Variants in RSF1 observed in about 807,000 individuals in gnomAD.
RSF1 encodes the protein HBV pX-associated protein 8.
Under a neutral mutation model 145.2 loss-of-function variants are expected in RSF1, and 13 were observed. That is an observed-to-expected ratio of 0.09 (90% CI 0.06 to 0.14). The LOEUF is 0.14. RSF1 is among the 10% of genes least tolerant of loss of function. The pLI is 1.00. For synonymous variants in RSF1, 577 were observed against 592.6 expected (o/e 0.97, Z 0.38); for missense variants, 1,517 against 1,718.2 (o/e 0.88, Z 2.07).
At chr11:77,693,455 T>C (rs1960206727) in intron 8 of RSF1, 52 bp downstream of exon 8, 18 of 1,138,108 alleles carry the variant, frequency 1.6e-5, no homozygotes, top group Admixed American at 1.8e-5. Flanking sequence ...TAAACAGTTA[T>C]TAATTTGAAT....
At chr11:77,859,705 A>G in the RSF1 span, among the ~76,000 whole-genome samples, 1 of 152,240 alleles carries the variant, frequency 6.6e-6, no homozygotes, top group East Asian at 1.9e-4. Context: ...GGTTGGGATC[A>G]GTCAAGGGAA....
At chr11:77,668,053 C>T (rs1026259805) in intron 15 of RSF1, among the ~76,000 whole-genome samples, 5 of 150,814 alleles carry the variant, frequency 3.3e-5, no homozygotes, top group African/African-American at 1.2e-4. Context: ...GCTGGAGTAT[C>T]ATGGCGCAAA....
At chr11:77,757,676 C>CA (rs1050149004) in intron 2 of RSF1, among the ~76,000 whole-genome samples, 19 of 149,870 alleles carry the variant, frequency 1.3e-4, no homozygotes, top group African/African-American at 4.7e-4. Context: ...AACTCCGTCT[C>CA]AAAAAAAGAA....
chr11:77,788,687 A>C (rs1373241212), intron 1 of RSF1, among the ~76,000 whole-genome samples: 1 of 152,172 alleles, frequency 6.6e-6, no homozygotes, highest in Non-Finnish European at 1.5e-5. Flanking sequence ...CAGTGGATAC[A>C]GTTAAACAAA....
chr11:77,683,889 T>A, intron 10 of RSF1, 70 bp from the exon 11 acceptor site: 10 of 1,165,732 alleles, frequency 8.6e-6, no homozygotes, highest in Non-Finnish European at 1.2e-5. Flanking sequence ...GATAAACAGT[T>A]TTGTAATCTC....
At chr11:77,786,896 A>C (rs949412352) in intron 1 of RSF1, among the ~76,000 whole-genome samples, 9 of 152,232 alleles carry the variant, frequency 5.9e-5, no homozygotes, top group Non-Finnish European at 1.2e-4. Flanking sequence ...TGAGAGATGC[A>C]AAACAGAGAT....
At chr11:77,795,409 A>G (rs1393583022) in intron 1 of RSF1, among the ~76,000 whole-genome samples, 1 of 152,216 alleles carries the variant, frequency 6.6e-6, no homozygotes, top group African/African-American at 2.4e-5. Context: ...GAGCAAAAGG[A>G]TCCAAACAGA....
intron 7 of RSF1, among the ~76,000 whole-genome samples, 153 bp from the exon 8 acceptor site, chr11:77,693,764 C>CATTTATTT (rs149549639): frequency 0.08 from 11,758 of 146,550 alleles, 529 homozygotes; most frequent in Middle Eastern, 0.1. Flanking sequence ...AGGGATCTGA[C>CATTTATTT]ATTTATTTAT....
chr11:77,836,725 G>A, the RSF1 span, among the ~76,000 whole-genome samples: 1 of 152,202 alleles, frequency 6.6e-6, no homozygotes, highest in Non-Finnish European at 1.5e-5. Context: ...CAGTACTTTG[G>A]GAGGCCTAGG....
At chr11:77,683,049 T>C (rs969996585) in intron 11 of RSF1, among the ~76,000 whole-genome samples, 1 of 152,086 alleles carries the variant, frequency 6.6e-6, no homozygotes, top group South Asian at 2.1e-4. Context: ...TCCCAGCACT[T>C]CGGGAGGCTG....
At chr11:77,824,397 T>C (rs1358218436), upstream of RSF1, among the ~76,000 whole-genome samples, 1 of 152,236 alleles carries the variant, frequency 6.6e-6, no homozygotes, top group African/African-American at 2.4e-5. Context: ...ATAAGAAATT[T>C]CTTAAGATAT....
intron 15 of RSF1, among the ~76,000 whole-genome samples, chr11:77,671,601 G>C (rs555669367): frequency 1.1e-4 from 17 of 150,362 alleles, no homozygotes; most frequent in African/African-American, 3.7e-4. Flanking sequence ...CAAGATTATA[G>C]GTTTTATCTC....
At chr11:77,732,631 T>C (rs1961235277) in intron 4 of RSF1, among the ~76,000 whole-genome samples, 1 of 152,152 alleles carries the variant, frequency 6.6e-6, no homozygotes, top group African/African-American at 2.4e-5. Flanking sequence ...TGTGAGTGAA[T>C]GAGTCTCACG....
intron 5 of RSF1, chr11:77,703,270 G>A (rs148358946): frequency 1.3e-5 from 2 of 152,054 alleles, no homozygotes; most frequent in Non-Finnish European, 2.9e-5. Flanking sequence ...TACCTTATTG[G>A]CTATATATTT....
chr11:77,820,700 C>T lies in RSF1; in HGVS notation c.15G>A (p.Ala5=), dbSNP rs771364355. MATA[A]AAAAVMAPPG... is the part of the protein sequence containing the mutation. The stretch of plus-strand genomic sequence containing the variant: ...GAGGAGCCATCACCGCCGCCGCTGC[C>T]GCCGCCGTCGCCATTTTGAACTGGA... Residue 5 remains alanine, a synonymous_variant, in exon 1 of 16, where the codon GCG becomes GCA. Coordinates refer to ENST00000308488, the MANE Select transcript of RSF1 (RefSeq NM_016578.4). 4 of 1,549,142 alleles carry T rather than the reference C, an allele frequency of 2.6e-6. No individual in the cohort carries two copies. The highest frequency in any genetic ancestry group is 3.5e-6 in the Non-Finnish European group (4 of 1,147,534).
rs573939264 is a variant in RSF1 at position 77,725,012 on chromosome 11, C to T, written c.733+533G>A. ...CAAAAGTGCAAGCATTATGATTCCT[C>T]GGATATGAATGATCAAATTCATAAG... On this transcript the variant is annotated intron_variant, in intron 5 of 15. Transcript: ENST00000308488. 5.9e-5 allele frequency among the ~76,000 whole-genome samples: 9 copies of T among 152,168 alleles called. 1 individual carries two copies. The South Asian group carries it at 1.9e-3, about 32-fold the overall frequency.
the RSF1 span, among the ~76,000 whole-genome samples, chr11:77,859,362 G>A: frequency 6.6e-6 from 1 of 152,138 alleles, no homozygotes; most frequent in South Asian, 2.1e-4. Flanking sequence ...GTGTAAGACT[G>A]CTACCTCTTT....
the RSF1 span, among the ~76,000 whole-genome samples, chr11:77,838,025 A>G: frequency 6.6e-6 from 1 of 152,212 alleles, no homozygotes; most frequent in Non-Finnish European, 1.5e-5. Context: ...GTGAGCTAAG[A>G]TCACACTACT....
intron 1 of RSF1, among the ~76,000 whole-genome samples, chr11:77,795,175 CACTG>C (rs963115047): frequency 2.6e-5 from 4 of 152,070 alleles, no homozygotes; most frequent in African/African-American, 7.2e-5. Context: ...AACTATAAAA[CACTG>C]ACTGAAAGAA....
Sources: gnomAD v4.1 joint callset for allele counts (sites outside exome capture counted in the v4.1 genomes callset) on GRCh38, gnomAD v4.1.1 for gene constraint, MANE v1.5 for transcripts, NCBI Gene and HGNC (gene_info 2026-07-23, HGNC 2026-07-21) for gene names.